Variants in LHX2 observed in about 807,000 individuals in gnomAD.
The protein encoded by LHX2 is LIM homeobox 2.
In LHX2, 6 loss-of-function variants were observed where a neutral mutation model predicts 33.0. The observed-to-expected ratio is 0.18, with a 90% CI of 0.10 to 0.36. LHX2 has a LOEUF of 0.36. Among genes scored for constraint, LHX2 ranks in the 10% least tolerant of loss-of-function variants. LHX2 has a pLI of 1.00. For synonymous variants in LHX2, 292 were observed against 253.1 expected, an observed-to-expected ratio of 1.15 and a Z score of -1.46; for missense variants, 442 against 586.2, an observed-to-expected ratio of 0.75 and a Z score of 2.54.
At chr9:124,023,181 C>T (rs1460621945) in intron 4 of LHX2, among the ~76,000 whole-genome samples, 2 of 152,310 alleles carry the variant, frequency 1.3e-5, no homozygotes. Context: ...TAGGACCCTT[C>T]GTCCTTCCCC....
chr9:124,020,341 G>A (rs1413227910), intron 3 of LHX2, among the ~76,000 whole-genome samples: 2 of 152,016 alleles, frequency 1.3e-5, no homozygotes, highest in Non-Finnish European at 2.9e-5. Flanking sequence ...GAACTTCCCC[G>A]AGCCTAATTT....
At chr9:124,013,256 C>CA (rs1359223497) in intron 1 of LHX2, among the ~76,000 whole-genome samples, 4 of 152,242 alleles carry the variant, frequency 2.6e-5, no homozygotes, top group East Asian at 3.9e-4. Context: ...GCAGCGGCGC[C>CA]AGTGTCCTCC....
chr9:124,029,091 G>A (rs1209947388), intron 4 of LHX2, among the ~76,000 whole-genome samples: 1 of 151,966 alleles, frequency 6.6e-6, no homozygotes, highest in Non-Finnish European at 1.5e-5. Flanking sequence ...CAGCCTGGGT[G>A]ACAGAGCAAG....
In LHX2 at chr9:124,032,557, G is replaced by C. The variant is rs1010177280; in HGVS notation, c.1071G>C (p.Ser357=). ...SGPASELSNA[S]LSPSSTPTTL... ...CGGCCTCGGAGCTCTCCAACGCCTC[G>C]CTCAGCCCCTCCAGCACGCCCACCA... Residue 357 remains serine (S), a synonymous_variant, in exon 5 of 5, where the codon TCG becomes TCC. Coordinates refer to ENST00000373615, the MANE Select transcript of LHX2 (RefSeq NM_004789.4). This position sits in a 1 kb window ranked among gnomAD's most constrained non-coding sequence, Gnocchi z 4.1. 8 of 1,614,014 alleles carry C rather than the reference G, an allele frequency of 5.0e-6. No homozygotes were observed. The highest frequency in any genetic ancestry group is 5.9e-6 in the Non-Finnish European group (7 of 1,180,008).
In LHX2 at chr9:124,014,592, G is replaced by GA. The variant is rs1427705488; in HGVS notation, c.323+433dup. 6.6e-6 allele frequency among the ~76,000 whole-genome samples: 1 copy of GA among 152,182 alleles called. No homozygotes were observed. The highest frequency in any genetic ancestry group is 1.5e-5 in the Non-Finnish European group (1 of 68,028). ...GTGGGTGCATTTCCAGGTCTTTTGA[G>GA]AAAATGGGAATGAAAGGTGGCCAAG... is the stretch of plus-strand genomic sequence containing the variant. On this transcript the variant is annotated intron_variant, in intron 2 of 4. Coordinates refer to ENST00000373615, the MANE Select transcript of LHX2 (RefSeq NM_004789.4). This position sits in a 1 kb window ranked among gnomAD's most constrained non-coding sequence, Gnocchi z 4.8.
At chr9:124,029,976 A>C (rs1828685899) in intron 4 of LHX2, among the ~76,000 whole-genome samples, 1 of 152,086 alleles carries the variant, frequency 6.6e-6, no homozygotes. Context: ...GGACCCCCCC[A>C]CCCCAGGGAA....
At position 124,014,111 on chromosome 9, in the gene LHX2, C is replaced by G; in HGVS notation, c.271C>G (p.Leu91Val). Residue 91 changes from leucine to valine, a missense_variant, in exon 2 of 5, where the codon CTC (leucine) becomes GTC (valine). This residue lies in a region of LHX2 where 72 missense variants were observed against 171.6 expected (regional missense o/e 0.42). Coordinates refer to ENST00000373615, the MANE Select transcript of LHX2 (RefSeq NM_004789.4). The surrounding 1 kb of genome is among the most constrained non-coding windows in gnomAD (Gnocchi z 4.8). ...GTGCAAGCTCAACCTGGAGTCGGAG[C>G]TCACCTGTTTCAGCAAGGACGGTAG... Reference protein sequence around the residue: ...CECKLNLESELTCFSKDGSIY... With the variant: ...CECKLNLESEVTCFSKDGSIY... 3 of 1,613,640 alleles carry G rather than the reference C, an allele frequency of 1.9e-6. No individual in the cohort carries two copies. Among genetic ancestry groups the G allele is most frequent in the Non-Finnish European group, 2.5e-6 (3 of 1,180,034 alleles).
chr9:124,021,728 C>G (rs1326495079), intron 4 of LHX2: 1 of 165,492 alleles, frequency 6.0e-6, no homozygotes, highest in African/African-American at 2.4e-5. Context: ...AGGTGACTAT[C>G]ATTAGCTCCT....
Position 124,018,598 on chromosome 9 carries a change from G to A in LHX2, c.728-2501G>A, listed in dbSNP as rs147985780. Among the ~76,000 whole-genome samples the A allele has an allele frequency of 5.5e-3, 835 of 152,194 alleles. 7 individuals are homozygous for A. The highest frequency in any genetic ancestry group is 0.019 in the African/African-American group (797 of 41,522). On this transcript the variant is annotated intron_variant, in intron 3 of 4. Transcript: ENST00000373615. ...CTCCCCCGCAGGGACCGGGTCTCCCGGAGCCCCGGGATTCAGCTCGGCCAC... is the reference window on the plus strand; with the variant it reads ...CTCCCCCGCAGGGACCGGGTCTCCCAGAGCCCCGGGATTCAGCTCGGCCAC...
rs1859194457 is a variant in LHX2, at chr9:124,016,586, T to C, written c.727+1061T>C. Among the ~76,000 whole-genome samples, 1 of 152,160 alleles carries C rather than the reference T, an allele frequency of 6.6e-6. No individual in the cohort carries two copies. The highest frequency in any genetic ancestry group is 2.1e-4 in the South Asian group (1 of 4,828). ...AAACCCAAGACTGTGCAGAGGGTGC[T>C]ACGGCGGGAAGAAGTCAGTTATTTT... On this transcript the variant is annotated intron_variant, in intron 3 of 4. Coordinates refer to ENST00000373615, the MANE Select transcript of LHX2 (RefSeq NM_004789.4). This position sits in a 1 kb window ranked among gnomAD's most constrained non-coding sequence, Gnocchi z 4.4.
chr9:124,027,289 C>T (rs1828639322), intron 4 of LHX2, among the ~76,000 whole-genome samples: 2 of 152,162 alleles, frequency 1.3e-5, no homozygotes, highest in African/African-American at 4.8e-5. Flanking sequence ...CAAAAAAAAC[C>T]GTACCCTTCT....
chr9:124,032,789 G>A lies in LHX2; in HGVS notation c.*82G>A. 7.0e-7 allele frequency: 1 copy of A among 1,431,700 alleles called. No homozygotes were observed. Among genetic ancestry groups the A allele is most frequent in the Non-Finnish European group, 9.4e-7 (1 of 1,064,230 alleles). The allele number at this position is 1,431,700 out of a possible 1,614,324, so 88.7% of individuals were successfully genotyped here. On this transcript the variant is annotated 3_prime_UTR_variant, in exon 5 of 5. Transcript: ENST00000373615. This position sits in a 1 kb window ranked among gnomAD's most constrained non-coding sequence, Gnocchi z 4.1. ...ATTCCAAGTGTATTTTAAAATAGAGGCTTTGAGCAACTAACTAACCACATT... is the reference window on the plus strand; with the variant it reads ...ATTCCAAGTGTATTTTAAAATAGAGACTTTGAGCAACTAACTAACCACATT...
intron 4 of LHX2, among the ~76,000 whole-genome samples, chr9:124,024,709 A>C (rs896772148): frequency 6.6e-6 from 1 of 152,248 alleles, no homozygotes; most frequent in East Asian, 1.9e-4. Context: ...TCATTTACAC[A>C]GTACAGTTCA....
intron 4 of LHX2, among the ~76,000 whole-genome samples, chr9:124,031,165 C>T (rs756078877): frequency 3.3e-5 from 5 of 152,140 alleles, no homozygotes; most frequent in Admixed American, 6.5e-5. Flanking sequence ...TTCAACTTCC[C>T]TGGCCTCACT....
At chr9:124,024,372 G>A (rs1008913868) in intron 4 of LHX2, among the ~76,000 whole-genome samples, 2 of 152,246 alleles carry the variant, frequency 1.3e-5, no homozygotes, top group African/African-American at 4.8e-5. Context: ...GGCAGGGTGG[G>A]GCTTGCCCCC....
chr9:124,016,750 G>C lies in LHX2; in HGVS notation c.727+1225G>C, dbSNP rs548111984. Among the ~76,000 whole-genome samples, 1 of 152,172 alleles carries C rather than the reference G, an allele frequency of 6.6e-6. No individual in the cohort carries two copies. The highest frequency in any genetic ancestry group is 1.5e-5 in the Non-Finnish European group (1 of 68,030). ...AAACGCAGCCCCCAGTTTGGTAAAT[G>C]GTGAAGCAGCGGTAGGCCGGTCGGT... is the stretch of plus-strand genomic sequence containing the variant. On this transcript the variant is annotated intron_variant, in intron 3 of 4. Coordinates refer to ENST00000373615, the MANE Select transcript of LHX2 (RefSeq NM_004789.4). The surrounding 1 kb of genome is among the most constrained non-coding windows in gnomAD (Gnocchi z 4.4).
Position 124,014,171 on chromosome 9 carries a change from C to T in LHX2, c.323+8C>T. ...CAAGGAAGACTACTACAGGTAGCCC[C>T]CCCACCCAACTGCCCCTCAGGACCC... On this transcript the variant is annotated splice_region_variant and intron_variant, in intron 2 of 4. Coordinates refer to ENST00000373615, the MANE Select transcript of LHX2 (RefSeq NM_004789.4). The surrounding 1 kb of genome is among the most constrained non-coding windows in gnomAD (Gnocchi z 4.8). 1 of 1,399,548 alleles carries T rather than the reference C, an allele frequency of 7.1e-7. No individual in the cohort carries two copies. Among genetic ancestry groups the T allele is most frequent in the Non-Finnish European group, 9.5e-7 (1 of 1,047,488 alleles). 86.7% of individuals were successfully genotyped at this position (1,399,548 alleles called of 1,614,324 possible). A position where few individuals can be genotyped will look rare whatever the true frequency, so the allele number is the denominator to read the frequency against.
chr9:124,030,238 G>A (rs576929685), intron 4 of LHX2, among the ~76,000 whole-genome samples: 13 of 152,342 alleles, frequency 8.5e-5, no homozygotes, highest in Non-Finnish European at 1.2e-4. Context: ...TGAGGCCACA[G>A]GCCCCTGCAG....
At chr9:124,022,178 G>A (rs1859304661) in intron 4 of LHX2, among the ~76,000 whole-genome samples, 1 of 152,102 alleles carries the variant, frequency 6.6e-6, no homozygotes, top group Admixed American at 6.5e-5. Flanking sequence ...CTCATTTTAG[G>A]GTCTTAGGCA....
Sources: gnomAD v4.1 joint callset for allele counts (sites outside exome capture counted in the v4.1 genomes callset) on GRCh38, gnomAD v4.1.1 for gene constraint, gnomAD v4.1.1 regional missense constraint, Gnocchi (gnomAD v3.1) non-coding constraint, MANE v1.5 for transcripts, NCBI Gene and HGNC (gene_info 2026-07-23, HGNC 2026-07-21) for gene names.